Variants in ANKRD11 observed in about 807,000 individuals in gnomAD.
ANKRD11 encodes ankyrin repeat domain-containing protein 11.
Under a neutral mutation model 195.7 loss-of-function variants are expected in ANKRD11, and 17 were observed. That is an observed-to-expected ratio of 0.09 (90% CI 0.06 to 0.13). The LOEUF is 0.13. Among genes scored for constraint, ANKRD11 ranks in the 10% least tolerant of loss-of-function variants. The pLI is 1.00. For synonymous variants in ANKRD11, 1,953 were observed against 1,528.1 expected, an observed-to-expected ratio of 1.28 and a Z score of -6.49; for missense variants, 3,735 against 3,566.1, an observed-to-expected ratio of 1.05 and a Z score of -1.21.
At chr16:89,478,363 T>G (rs1210078438) in intron 1 of ANKRD11, among the ~76,000 whole-genome samples, 1 of 151,920 alleles carries the variant, frequency 6.6e-6, no homozygotes, top group Non-Finnish European at 1.5e-5. Context: ...TTCAAATCTA[T>G]GGAAGACATC....
At chr16:89,286,602 A>T in intron 7 of ANKRD11, 1 of 1,132,876 alleles carries the variant, frequency 8.8e-7, no homozygotes, top group Non-Finnish European at 1.1e-6. Flanking sequence ...GCAAGAGGTT[A>T]GGGAGAAGAG....
intron 2 of ANKRD11, chr16:89,340,023 C>T (rs1167378694): frequency 1.3e-5 from 2 of 152,202 alleles, no homozygotes; most frequent in Admixed American, 6.5e-5. Context: ...GCAGTGTGCG[C>T]TCCTCGTTGT....
chr16:89,279,118 G>A lies in ANKRD11; in HGVS notation c.7424C>T (p.Ser2475Phe). 6.2e-7 allele frequency: 1 copy of A among 1,614,052 alleles called. No individual in the cohort carries two copies. The highest frequency in any genetic ancestry group is 8.5e-7 in the Non-Finnish European group (1 of 1,180,000). Residue 2475 changes from serine (S) to phenylalanine (F), a missense_variant, in exon 9 of 13, where the codon TCC (serine) becomes TTC (phenylalanine). Ser to Phe is a radical substitution (Grantham distance 155). Transcript: ENST00000301030. The surrounding 1 kb of genome is among the most constrained non-coding windows in gnomAD (Gnocchi z 5.6). Reference protein sequence around the residue: ...CYAEYVTYTGSYLLDGKPLSK... With the variant: ...CYAEYVTYTGFYLLDGKPLSK... ...GAGCGGCTTGCCGTCCAGGAGGTAGGAGCCCGTGTAGGTGACGTACTCGGC... is the reference window on the plus strand; with the variant it reads ...GAGCGGCTTGCCGTCCAGGAGGTAGAAGCCCGTGTAGGTGACGTACTCGGC...
At position 89,282,480 on chromosome 16, in the gene ANKRD11, T is replaced by C. The variant is rs1454615759; in HGVS notation, c.4062A>G (p.Ser1354=). The change falls in exon 9 of 13, where the codon TCA becomes TCG. Residue 1354 remains serine, a synonymous_variant. Transcript: ENST00000301030. ...LKEKERHRHS[S]SSSKKSHDRE... ...GGTCGTGGCTCTTCTTGGATGAAGA[T>C]GAGGAGTGTCTGTGCCTCTCCTTCT... The C allele has an allele frequency of 6.2e-7, 1 of 1,613,932 alleles. No individual in the cohort carries two copies.
At chr16:89,386,036 T>G (rs2040894866) in intron 2 of ANKRD11, among the ~76,000 whole-genome samples, 1 of 152,236 alleles carries the variant, frequency 6.6e-6, no homozygotes, top group African/African-American at 2.4e-5. Context: ...TGCGCCGCCA[T>G]GCCCGCAAAC....
chr16:89,381,685 A>C (rs1043638313), intron 2 of ANKRD11, among the ~76,000 whole-genome samples: 2 of 152,214 alleles, frequency 1.3e-5, no homozygotes, highest in African/African-American at 4.8e-5. Context: ...CAGAACTCTC[A>C]TCAGGAAACA....
chr16:89,298,850 G>C (rs115169719), intron 4 of ANKRD11: 1 of 152,388 alleles, frequency 6.6e-6, no homozygotes, highest in African/African-American at 2.4e-5. Context: ...AGGAGGACCA[G>C]AGACCAATCA....
intron 2 of ANKRD11, among the ~76,000 whole-genome samples, chr16:89,362,344 C>T (rs374695399): frequency 6.6e-6 from 1 of 152,178 alleles, no homozygotes; most frequent in African/African-American, 2.4e-5. Flanking sequence ...TTGCACAGCC[C>T]GCAGTCCTTG....
intron 2 of ANKRD11, among the ~76,000 whole-genome samples, chr16:89,329,496 C>T (rs968081910): frequency 1.3e-5 from 2 of 152,088 alleles, no homozygotes; most frequent in African/African-American, 4.8e-5. Flanking sequence ...CAACGGTATA[C>T]GTTTCCCAAA....
intron 2 of ANKRD11, among the ~76,000 whole-genome samples, chr16:89,335,622 T>TCA (rs200016176): frequency 0.021 from 3,132 of 152,226 alleles, 49 homozygotes; most frequent in Middle Eastern, 0.051. Context: ...CAAAGCCCCG[T>TCA]CACACACACA....
chr16:89,276,743 C>G (rs1427493023), intron 9 of ANKRD11, among the ~76,000 whole-genome samples: 1 of 152,178 alleles, frequency 6.6e-6, no homozygotes, highest in African/African-American at 2.4e-5. Flanking sequence ...AACTTTTCTG[C>G]CCATCTAAAA....
intron 2 of ANKRD11, chr16:89,412,552 A>G (rs2042142760): frequency 6.6e-6 from 1 of 152,190 alleles, no homozygotes; most frequent in Non-Finnish European, 1.5e-5. Context: ...TGCTACAGGA[A>G]CCCAATTACA....
rs748992957 is a variant in ANKRD11 at position 89,314,537 on chromosome 16, C to T, written c.87+2396G>A. 4.6e-5 allele frequency among the ~76,000 whole-genome samples: 7 copies of T among 152,184 alleles called. No individual in the cohort carries two copies. The South Asian group carries it at 6.2e-4, about 14-fold the overall frequency. On this transcript the variant is annotated intron_variant, in intron 3 of 12. Transcript: ENST00000301030. ...CACGACCTGCTCTCTGTGGCTCTTC[C>T]GGCCTTTCTCGTCTCGTGCTACCCT...
intron 2 of ANKRD11, among the ~76,000 whole-genome samples, chr16:89,330,623 G>A (rs1411848731): frequency 4.3e-5 from 6 of 137,976 alleles, no homozygotes; most frequent in East Asian, 2.4e-4. Context: ...GAGGGTCCTC[G>A]TGACACGGCA....
intron 1 of ANKRD11, among the ~76,000 whole-genome samples, chr16:89,446,095 C>A (rs1444682069): frequency 6.7e-6 from 1 of 149,684 alleles, no homozygotes; most frequent in Non-Finnish European, 1.5e-5. Flanking sequence ...ACACTTAGAA[C>A]CACCATCTTT....
intron 1 of ANKRD11, among the ~76,000 whole-genome samples, chr16:89,456,808 CGGA>C (rs773678367): frequency 3.3e-5 from 5 of 152,162 alleles, no homozygotes; most frequent in African/African-American, 1.2e-4. Context: ...TGAAGAGCTG[CGGA>C]GAAGTGGAGC....
intron 1 of ANKRD11, among the ~76,000 whole-genome samples, chr16:89,453,178 G>A (rs994945418): frequency 6.6e-6 from 1 of 151,998 alleles, no homozygotes; most frequent in African/African-American, 2.4e-5. Context: ...GCTCCTTTTT[G>A]TTTTTATTGC....
Position 89,282,597 on chromosome 16 carries a change from C to A in ANKRD11, c.3945G>T (p.Pro1315=). 6.2e-7 allele frequency: 1 copy of A among 1,614,158 alleles called. No individual in the cohort carries two copies. Among genetic ancestry groups the A allele is most frequent in the African/African-American group, 1.3e-5 (1 of 75,046 alleles). Residue 1315 remains proline (P), a synonymous_variant, in exon 9 of 13, where the codon CCG becomes CCT. Coordinates refer to ENST00000301030, the MANE Select transcript of ANKRD11 (RefSeq NM_013275.6). ...SDSFTDRGQE[P]GLTAFLEVSF... Reference sequence around the variant, plus strand: ...AGACCTCCAGGAAGGCAGTCAGCCCCGGCTCCTGCCCTCGGTCCGTGAAGC... The same window carrying A: ...AGACCTCCAGGAAGGCAGTCAGCCCAGGCTCCTGCCCTCGGTCCGTGAAGC...
In ANKRD11 at chr16:89,381,354, A is replaced by AAAG. The variant is rs1555560066; in HGVS notation, c.-60+36929_-60+36930insCTT. ...TGCAAAAAAAAAAAAAAAAAAAAAA[A>AAAG]GGGGTGAGAAGGGCAAGCAAGAGTT... On this transcript the variant is annotated intron_variant, in intron 2 of 12. Coordinates refer to ENST00000301030, the MANE Select transcript of ANKRD11 (RefSeq NM_013275.6). 3.1e-3 allele frequency among the ~76,000 whole-genome samples: 393 copies of AAAG among 125,294 alleles called. 6 individuals carry two copies. Among genetic ancestry groups the AAAG allele is most frequent in the African/African-American group, 0.012 (376 of 30,350 alleles). The allele number at this position is 125,294 out of a possible 152,430, so 82.2% of individuals were successfully genotyped here. A position where few individuals can be genotyped will look rare whatever the true frequency, so the allele number is the denominator to read the frequency against.
Sources: gnomAD v4.1 joint callset for allele counts (sites outside exome capture counted in the v4.1 genomes callset) on GRCh38, gnomAD v4.1.1 for gene constraint, Gnocchi (gnomAD v3.1) non-coding constraint, MANE v1.5 for transcripts, NCBI Gene and HGNC (gene_info 2026-07-23, HGNC 2026-07-21) for gene names.